The following SI variants were observed in gnomAD, a reference collection of about 807,000 sequenced individuals.
The protein encoded by SI is sucrase-isomaltase, intestinal.
In SI, 235 loss-of-function variants were observed where a neutral mutation model predicts 253.3. The ratio of observed to expected loss-of-function variants is 0.93; its 90% CI spans 0.83 to 1.03. The LOEUF (loss-of-function observed/expected upper bound fraction) is 1.03. Ranked by LOEUF, SI falls within the 50% of genes least tolerant of loss-of-function variation. SI has a pLI of 0.00. For missense variants in SI, 2,442 were observed against 2,211.1 expected (o/e 1.10, Z -2.09); for synonymous variants, 819 against 712.0 (o/e 1.15, Z -2.39).
chr3:165,000,380 G>T (rs202007112), intron 37 of SI, among the ~76,000 whole-genome samples: 1 of 151,268 alleles, frequency 6.6e-6, no homozygotes, highest in East Asian at 1.9e-4. Context: ...AATAAATTTA[G>T]CAAGATGACC....
chr3:165,016,177 G>A, intron 31 of SI, 97 bp from the exon 32 acceptor site: 2 of 1,083,060 alleles, frequency 1.8e-6, no homozygotes, highest in South Asian at 2.5e-5. Context: ...CAATATGAAA[G>A]TTTGAGTTCC....
intron 31 of SI, among the ~76,000 whole-genome samples, chr3:165,016,485 G>C (rs9838256): frequency 0.72 from 109,859 of 151,810 alleles, 40,785 homozygotes; most frequent in East Asian, 0.85. Flanking sequence ...TTTCCGGGAA[G>C]TATACAGCAA....
intron 12 of SI, among the ~76,000 whole-genome samples, chr3:165,056,951 C>G (rs942226470): frequency 2.0e-5 from 3 of 151,924 alleles, no homozygotes; most frequent in African/African-American, 7.2e-5. Flanking sequence ...CCACAAGAAT[C>G]AAGACCATCC....
chr3:165,063,641 A>T, intron 7 of SI, 100 bp from the exon 8 acceptor site: 1 of 609,992 alleles, frequency 1.6e-6, no homozygotes, highest in East Asian at 3.0e-5. Flanking sequence ...TGTTGCTATA[A>T]TTTACTTCTC....
rs763616023 is a variant in SI at position 164,996,515 on chromosome 3, T to G, written c.4692+20A>C. The G allele has an allele frequency of 1.6e-6, 2 of 1,233,854 alleles. No individual in the cohort carries two copies. Among genetic ancestry groups the G allele is most frequent in the Admixed American group, 1.7e-5 (1 of 59,306 alleles). 76.4% of individuals were successfully genotyped at this position (1,233,854 alleles called of 1,614,324 possible). ...AGCCCAAGTAAGAAAATACTGAAAGTAAATGTAGTAATTACATACTCTAGT... is the reference window on the plus strand; with the variant it reads ...AGCCCAAGTAAGAAAATACTGAAAGGAAATGTAGTAATTACATACTCTAGT... On this transcript the variant is annotated intron_variant, in intron 40 of 47. Transcript: ENST00000264382.
intron 1 of SI, among the ~76,000 whole-genome samples, chr3:165,078,091 T>A (rs979404659): frequency 6.6e-6 from 1 of 151,544 alleles, no homozygotes; most frequent in Non-Finnish European, 1.5e-5. Flanking sequence ...TAAAATATAT[T>A]TAAGCATACT....
intron 2 of SI, 120 bp downstream of exon 2, chr3:165,075,775 C>A: frequency 3.2e-6 from 2 of 629,158 alleles, no homozygotes; most frequent in Non-Finnish European, 5.8e-6. Context: ...GTAACTTACC[C>A]TGGATTTTTC....
intron 9 of SI, among the ~76,000 whole-genome samples, chr3:165,060,428 C>T (rs1713929615): frequency 6.6e-6 from 1 of 151,936 alleles, no homozygotes; most frequent in African/African-American, 2.4e-5. Context: ...ACAAGAAAAA[C>T]AGAAAAGATG....
intron 24 of SI, among the ~76,000 whole-genome samples, chr3:165,032,024 C>A (rs899838633): frequency 6.0e-5 from 9 of 150,978 alleles, no homozygotes; most frequent in African/African-American, 2.2e-4. Context: ...AGGCTTTCTA[C>A]AGGAGAAGAA....
chr3:165,078,294 C>A (rs537281030), intron 1 of SI, 139 bp downstream of exon 1: 1 of 151,760 alleles, frequency 6.6e-6, no homozygotes, highest in Non-Finnish European at 1.5e-5. Context: ...CTACATATTT[C>A]AAATGGCAAC....
rs1033303306 is a variant in SI at position 165,077,315 on chromosome 3, A to G, written c.-1+1118T>C. 2.0e-5 allele frequency among the ~76,000 whole-genome samples: 3 copies of G among 151,638 alleles called. No homozygotes were observed. The Admixed American group carries it at 2.0e-4, about 10-fold the overall frequency. ...TCCTTACCACTCTGAGGCACAGTTA[A>G]TCTAGCCTTTCTTCATTTACCATAG... is the stretch of plus-strand genomic sequence containing the variant. On this transcript the variant is annotated intron_variant, in intron 1 of 47. Coordinates refer to ENST00000264382, the MANE Select transcript of SI (RefSeq NM_001041.4).
chr3:165,036,813 A>C (rs1255692569), intron 21 of SI, among the ~76,000 whole-genome samples: 2 of 151,830 alleles, frequency 1.3e-5, no homozygotes, highest in East Asian at 3.9e-4. Flanking sequence ...TTAAGGCTCA[A>C]CTCAACCTGT....
chr3:165,012,878 C>T (rs1322561557), intron 34 of SI, 102 bp downstream of exon 34: 5 of 812,806 alleles, frequency 6.2e-6, no homozygotes, highest in Non-Finnish European at 1.1e-5. Flanking sequence ...AAATGGCCAT[C>T]TATTTTTAAA....
chr3:164,986,271 T>C (rs1386199145), intron 45 of SI, among the ~76,000 whole-genome samples: 1 of 152,148 alleles, frequency 6.6e-6, no homozygotes, highest in Non-Finnish European at 1.5e-5. Context: ...GAAACTAGAA[T>C]TCCTTTTCCC....
intron 16 of SI, among the ~76,000 whole-genome samples, chr3:165,044,873 A>G (rs536776890): frequency 6.6e-6 from 1 of 152,128 alleles, no homozygotes; most frequent in East Asian, 1.9e-4. Context: ...GAAATGGATA[A>G]AGTTTATTTT....
At chr3:165,066,014 A>G (rs908799068) in intron 6 of SI, among the ~76,000 whole-genome samples, 2 of 151,900 alleles carry the variant, frequency 1.3e-5, no homozygotes, top group African/African-American at 2.4e-5. Context: ...CATATCTGTG[A>G]GTTCTGAATT....
intron 9 of SI, 143 bp from the exon 10 acceptor site, chr3:165,060,170 C>G (rs1203969231): frequency 1.4e-6 from 1 of 719,304 alleles, no homozygotes; most frequent in Non-Finnish European, 2.3e-6. Flanking sequence ...TTAGTGTTAC[C>G]TGGATTCTAA....
intron 13 of SI, among the ~76,000 whole-genome samples, chr3:165,050,599 T>C (rs1372591359): frequency 6.6e-6 from 1 of 152,090 alleles, no homozygotes; most frequent in Admixed American, 6.6e-5. Context: ...TTTTATAAAA[T>C]CATATATCAC....
At position 165,032,580 on chromosome 3, in the gene SI, G is replaced by A. The variant is rs145893756; in HGVS notation, c.2678C>T (p.Ala893Val). ...LTDSVTEVRV[A>V]ENNQPMNAHS... ...AGCGTTCATTGGTTGATTATTTTCC[G>A]CCACTCTAACTTCTGTAACACTGTC... The change falls in exon 24 of 48, where the codon GCG (alanine) becomes GTG (valine). Residue 893 changes from alanine to valine, a missense_variant. By Grantham distance (64) the Ala-to-Val change is moderately conservative. Coordinates refer to ENST00000264382, the MANE Select transcript of SI (RefSeq NM_001041.4). The A allele has an allele frequency of 4.3e-4, 695 of 1,608,754 alleles. 1 individual carries two copies. In the African/African-American group the frequency reaches 7.4e-3, roughly 17 times the overall value.
Sources: gnomAD v4.1 joint callset for allele counts (sites outside exome capture counted in the v4.1 genomes callset) on GRCh38, gnomAD v4.1.1 for gene constraint, MANE v1.5 for transcripts, NCBI Gene and HGNC (gene_info 2026-07-23, HGNC 2026-07-21) for gene names.